The following EEA1 variants were observed in gnomAD, a reference collection of about 807,000 sequenced individuals.
The protein encoded by EEA1 is early endosome antigen 1, 162kD.
A neutral mutation model predicts 209.2 loss-of-function variants in EEA1; 111 were observed. The observed-to-expected ratio is 0.53, with a 90% CI of 0.45 to 0.62. The LOEUF is 0.62. EEA1 is among the 20% of genes least tolerant of loss of function. The pLI is 0.00. For synonymous variants in EEA1, 536 were observed against 540.6 expected, an observed-to-expected ratio of 0.99 and a Z score of 0.12; for missense variants, 1,343 against 1,530.8, an observed-to-expected ratio of 0.88 and a Z score of 2.05.
intron 1 of EEA1, among the ~76,000 whole-genome samples, chr12:92,923,330 A>G (rs1881084312): frequency 6.6e-6 from 1 of 152,228 alleles, no homozygotes; most frequent in African/African-American, 2.4e-5. Context: ...CCTGGGCGAC[A>G]GAGCGAGACT....
At chr12:92,787,689 A>G (rs140404704) in intron 22 of EEA1, among the ~76,000 whole-genome samples, 178 bp downstream of exon 22, 1 of 152,288 alleles carries the variant, frequency 6.6e-6, no homozygotes, top group East Asian at 1.9e-4. Flanking sequence ...TCATTTTAAA[A>G]TGCCCACATT....
rs775903964 is a variant in EEA1 at position 92,853,019 on chromosome 12, T to C, written c.413A>G (p.Gln138Arg). The C allele has an allele frequency of 5.7e-6, 9 of 1,591,982 alleles. 1 individual carries two copies. Among genetic ancestry groups the C allele is most frequent in the Middle Eastern group, 3.4e-4 (2 of 5,818 alleles). The change falls in exon 7 of 29, where the codon CAG becomes CGG. Residue 138 changes from glutamine (Q) to arginine (R), a missense_variant. Transcript: ENST00000322349. Reference sequence around the variant, plus strand: ...TTCTTCTAATTGCTGTTCCAAAGACTGTAGTTCTACAAAAAAGTGTCGCAG... The same window carrying C: ...TTCTTCTAATTGCTGTTCCAAAGACCGTAGTTCTACAAAAAAGTGTCGCAG... ...GLVTDSSAEL[Q>R]SLEQQLEEAQ...
At chr12:92,875,392 C>T (rs1878839665) in intron 2 of EEA1, among the ~76,000 whole-genome samples, 1 of 152,038 alleles carries the variant, frequency 6.6e-6, no homozygotes, top group Admixed American at 6.6e-5. Flanking sequence ...GCTGAGATTG[C>T]ACCACTGCAC....
chr12:92,815,142 GT>G (rs1228804494), intron 15 of EEA1, among the ~76,000 whole-genome samples: 2 of 152,070 alleles, frequency 1.3e-5, no homozygotes, highest in African/African-American at 2.4e-5. Flanking sequence ...ATATCTACAG[GT>G]AATATTTTTC....
At chr12:92,839,589 T>C (rs180782937) in intron 10 of EEA1, among the ~76,000 whole-genome samples, 260 of 152,302 alleles carry the variant, frequency 1.7e-3, no homozygotes, top group African/African-American at 6.0e-3. Flanking sequence ...TCCAAAAATG[T>C]GAAACATCAC....
intron 1 of EEA1, among the ~76,000 whole-genome samples, chr12:92,905,983 G>A (rs1358244987): frequency 1.3e-5 from 2 of 152,020 alleles, no homozygotes; most frequent in South Asian, 2.1e-4. Flanking sequence ...ATGGCTCATC[G>A]TAGCCTCAAA....
At chr12:92,821,649 C>G (rs1374969013) in intron 13 of EEA1, among the ~76,000 whole-genome samples, 1 of 151,938 alleles carries the variant, frequency 6.6e-6, no homozygotes, top group East Asian at 1.9e-4. Flanking sequence ...AGGTCCTCAC[C>G]CTCAAACATT....
rs137974550 is a variant in EEA1, at chr12:92,813,968, G to A, written c.1930-875C>T. Among the ~76,000 whole-genome samples the A allele has an allele frequency of 8.0e-3, 1,214 of 152,014 alleles. 25 individuals carry two copies. The highest frequency in any genetic ancestry group is 0.027 in the African/African-American group (1,112 of 41,450). On this transcript the variant is annotated intron_variant, in intron 15 of 28. Coordinates refer to ENST00000322349, the MANE Select transcript of EEA1 (RefSeq NM_003566.4). ...GTGGAGGCTGCAGTGAGCTGAGATCGCGCCACTGCACTCCAGCCTGGCGAC... is the reference window on the plus strand; with the variant it reads ...GTGGAGGCTGCAGTGAGCTGAGATCACGCCACTGCACTCCAGCCTGGCGAC...
chr12:92,778,044 C>G lies in EEA1; in HGVS notation c.3790G>C (p.Val1264Leu). 1 of 1,613,564 alleles carries G rather than the reference C, an allele frequency of 6.2e-7. No individual in the cohort carries two copies. Among genetic ancestry groups the G allele is most frequent in the Non-Finnish European group, 8.5e-7 (1 of 1,179,600 alleles). The change falls in exon 26 of 29, where the codon GTT (valine) becomes CTT (leucine). Residue 1264 changes from valine to leucine, a missense_variant. Physicochemically the swap from Val to Leu is conservative, Grantham distance 32 (BLOSUM62 1). Transcript: ENST00000322349. ...KKEWQSSQRR[V>L]SELEKQTDDL... is the part of the protein sequence containing the mutation. ...TCCGTTTGTTTCTCAAGCTCACTAA[C>G]TCTCCGTTGACTAGATTGCCACTCC...
At chr12:92,891,449 T>C (rs1879650291) in intron 2 of EEA1, among the ~76,000 whole-genome samples, 180 bp downstream of exon 2, 1 of 152,180 alleles carries the variant, frequency 6.6e-6, no homozygotes, top group Admixed American at 6.5e-5. Flanking sequence ...AATGTACACT[T>C]TCTCAGTCTC....
At chr12:92,812,834 C>T (rs951497369) in intron 16 of EEA1, 146 bp downstream of exon 16, 1 of 491,916 alleles carries the variant, frequency 2.0e-6, no homozygotes, top group African/African-American at 2.0e-5. Flanking sequence ...ACTTTTACTA[C>T]TCAACTGGAA....
At position 92,773,372 on chromosome 12, in the gene EEA1, T is replaced by A. The variant is rs780126058; in HGVS notation, c.*2639A>T. On this transcript the variant is annotated 3_prime_UTR_variant, in exon 29 of 29. Transcript: ENST00000322349. ...ATTTAACATTACTGTCAGGAAACTATTAAAGTAGATAATTCCACATTAAGA... is the reference window on the plus strand; with the variant it reads ...ATTTAACATTACTGTCAGGAAACTAATAAAGTAGATAATTCCACATTAAGA... 1 of 152,214 alleles carries A rather than the reference T, an allele frequency of 6.6e-6. No individual in the cohort carries two copies. The highest frequency in any genetic ancestry group is 1.9e-4 in the East Asian group (1 of 5,206). 9.4% of individuals were successfully genotyped at this position (152,214 alleles called of 1,614,324 possible).
intron 9 of EEA1, among the ~76,000 whole-genome samples, chr12:92,845,543 T>C (rs1299987249): frequency 1.3e-5 from 2 of 152,198 alleles, no homozygotes; most frequent in Admixed American, 6.5e-5. Context: ...CTCCTGGGAA[T>C]CCTAGCTCCC....
intron 3 of EEA1, 117 bp from the exon 4 acceptor site, chr12:92,857,602 A>C (rs1375810794): frequency 2.1e-5 from 12 of 582,162 alleles, no homozygotes; most frequent in Non-Finnish European, 3.3e-5. Flanking sequence ...AATTCAAAAA[A>C]AAACTACGGA....
chr12:92,892,517 A>G (rs1461097042), intron 1 of EEA1, among the ~76,000 whole-genome samples: 3 of 151,502 alleles, frequency 2.0e-5, no homozygotes, highest in Non-Finnish European at 4.4e-5. Flanking sequence ...CAGAACTAAA[A>G]TGCAGATCTT....
At chr12:92,811,046 A>G (rs186918488) in intron 17 of EEA1, among the ~76,000 whole-genome samples, 2 of 152,286 alleles carry the variant, frequency 1.3e-5, no homozygotes, top group African/African-American at 4.8e-5. Flanking sequence ...TTACAATGGA[A>G]TCAGTATGTA....
At chr12:92,852,737 G>A (rs950904976) in intron 7 of EEA1, among the ~76,000 whole-genome samples, 175 bp downstream of exon 7, 1 of 152,018 alleles carries the variant, frequency 6.6e-6, no homozygotes, top group Non-Finnish European at 1.5e-5. Context: ...GCAGCTAGAG[G>A]ACAAACAAAA....
rs184000265 is a variant in EEA1, at chr12:92,852,644, C to G, written c.520+268G>C. ...CTTCTTTAAAATGTTCCTTTTTAAT[C>G]TTTAAGCATGCCACAGAAGAAAATG... On this transcript the variant is annotated intron_variant, in intron 7 of 28. Transcript: ENST00000322349. Among the ~76,000 whole-genome samples, 307 of 152,148 alleles carry G rather than the reference C, an allele frequency of 2.0e-3. 3 individuals are homozygous for G. The highest frequency in any genetic ancestry group is 7.2e-3 in the African/African-American group (298 of 41,534).
At chr12:92,882,223 T>C (rs1231433534) in intron 2 of EEA1, among the ~76,000 whole-genome samples, 1 of 152,018 alleles carries the variant, frequency 6.6e-6, no homozygotes, top group East Asian at 1.9e-4. Context: ...TTCTCCTGCC[T>C]CAGCCTCCTG....
Sources: allele counts gnomAD v4.1 joint callset (sites outside exome capture counted in the v4.1 genomes callset), GRCh38; gene constraint gnomAD v4.1.1; transcripts MANE v1.5; gene names NCBI Gene and HGNC (gene_info 2026-07-23, HGNC 2026-07-21).